The following MED16 variants were observed in gnomAD, a reference collection of about 807,000 sequenced individuals.
MED16 encodes the protein mediator of RNA polymerase II transcription subunit 16.
In MED16, 81 loss-of-function variants were observed where a neutral mutation model predicts 84.4. The ratio of observed to expected loss-of-function variants is 0.96; its 90% CI spans 0.80 to 1.15. MED16 has a LOEUF of 1.15. Among genes scored for constraint, MED16 ranks in the 50% most tolerant of loss-of-function variants. The pLI, the probability that MED16 is intolerant of heterozygous loss-of-function variation, is 0.00. For synonymous variants in MED16, 897 were observed against 552.2 expected, an observed-to-expected ratio of 1.62 and a Z score of -8.76; for missense variants, 1,585 against 1,245.9, an observed-to-expected ratio of 1.27 and a Z score of -4.10.
chr19:873,520 G>A lies in MED16; in HGVS notation c.1834C>T (p.Gln612Ter), dbSNP rs1446834742. The part of the protein sequence containing the change: ...EEFVLDMNTL[Q>*]ALQQLLQWVG... ...CACTGCAAGAGCTGCTGCAGCGCCT[G>A]CAGTGTGTTCATGTCCAGCACAAAT... Residue 612 changes from glutamine (Q) to a stop codon, truncating the protein, a stop_gained, in exon 11 of 16, where the codon CAG becomes TAG. Coordinates refer to ENST00000325464, the MANE Select transcript of MED16 (RefSeq NM_005481.3). LOFTEE classifies it high-confidence loss of function. 2 of 1,612,264 alleles carry A rather than the reference G, an allele frequency of 1.2e-6. No homozygotes were observed. The highest frequency in any genetic ancestry group is 1.7e-6 in the Non-Finnish European group (2 of 1,179,710).
chr19:873,714 AC>A lies in MED16; in HGVS notation c.1772-133del, dbSNP rs899037886. 7 of 1,078,488 alleles carry A rather than the reference AC, an allele frequency of 6.5e-6. No homozygotes were observed. The African/African-American group carries it at 9.4e-5, about 14-fold the overall frequency. 66.8% of individuals were successfully genotyped at this position (1,078,488 alleles called of 1,614,324 possible). A position where few individuals can be genotyped will look rare whatever the true frequency, so the allele number is the denominator to read the frequency against. ...GGACACAAGGGGACCCACACCGGGA[AC>A]GAGAAGGGGGCGATGGCGTTGCCGG... On this transcript the variant is annotated intron_variant, in intron 10 of 15. Coordinates refer to ENST00000325464, the MANE Select transcript of MED16 (RefSeq NM_005481.3).
At chr19:872,171 G>A (rs929826161) in intron 11 of MED16, 53 bp from the exon 12 acceptor site, 10 of 1,502,830 alleles carry the variant, frequency 6.7e-6, no homozygotes, top group Non-Finnish European at 5.4e-6. Context: ...AGATGGCGAT[G>A]GGATGAAGTG....
rs375571894 is a variant in MED16, at chr19:885,824, G to A, written c.825C>T (p.Asp275=). The A allele has an allele frequency of 1.2e-5, 20 of 1,613,466 alleles. No homozygotes were observed. The highest frequency in any genetic ancestry group is 3.3e-4 in the Middle Eastern group (2 of 6,062). The change falls in exon 5 of 16, where the codon GAC becomes GAT. Residue 275 remains aspartate, a synonymous_variant. Transcript: ENST00000325464. ...MRCTTDLNRK[D]KFPAITHLKF... is the part of the protein sequence containing the mutation. ...TGAGGTGGGTGATGGCGGGAAACTT[G>A]TCCTTGCGGTTGAGGTCGGTGGTGC...
Position 868,124 on chromosome 19 carries a change from G to A in MED16, c.2611C>T (p.Leu871=). 1.2e-6 allele frequency: 2 copies of A among 1,610,836 alleles called. No individual in the cohort carries two copies. Among genetic ancestry groups the A allele is most frequent in the East Asian group, 2.2e-5 (1 of 44,854 alleles). The part of the protein sequence containing the change: ...SPRTPRSLDH[L]HPEDRP ...CGTCACGGACGGTCCTCTGGATGCA[G>A]ATGGTCCAGGGATCTGGGGGTCCTG... is the stretch of plus-strand genomic sequence containing the variant. Residue 871 remains leucine, a synonymous_variant, in exon 16 of 16, where the codon CTG becomes TTG. Transcript: ENST00000325464.
intron 6 of MED16, among the ~76,000 whole-genome samples, chr19:884,100 C>A (rs1472505598): frequency 6.6e-6 from 1 of 152,166 alleles, no homozygotes; most frequent in Non-Finnish European, 1.5e-5. Flanking sequence ...GCCCCACCTG[C>A]CCCACGTGCC....
intron 11 of MED16, chr19:872,898 G>A (rs1042241278): frequency 4.0e-6 from 4 of 1,002,800 alleles, no homozygotes; most frequent in Non-Finnish European, 4.8e-6. Flanking sequence ...GTGTGGCCAA[G>A]GAAAGGCTTC....
chr19:868,532 C>A, intron 14 of MED16, 33 bp from the exon 15 acceptor site: 1 of 1,603,766 alleles, frequency 6.2e-7, no homozygotes, highest in Non-Finnish European at 8.5e-7. Context: ...CGGGTTCCCA[C>A]TTCCAGGCGG....
intron 15 of MED16, 26 bp downstream of exon 15, chr19:868,390 G>C (rs765867602): frequency 3.7e-6 from 6 of 1,606,184 alleles, no homozygotes; most frequent in Admixed American, 1.7e-5. Context: ...TAGCTGAGGG[G>C]CACCCGCCAC....
chr19:868,388 G>A (rs772679185), intron 15 of MED16, 28 bp downstream of exon 15: 3 of 1,606,200 alleles, frequency 1.9e-6, no homozygotes, highest in Non-Finnish European at 2.5e-6. Context: ...GGTAGCTGAG[G>A]GGCACCCGCC....
At chr19:879,049 T>G (rs1599331108) in intron 8 of MED16, among the ~76,000 whole-genome samples, 1 of 114,940 alleles carries the variant, frequency 8.7e-6, no homozygotes, top group South Asian at 3.1e-4. Flanking sequence ...CTTCCCCCGG[T>G]TGTCAATGCC....
At chr19:881,533 C>T (rs372892063) in intron 7 of MED16, 26 bp downstream of exon 7, 23 of 1,596,094 alleles carry the variant, frequency 1.4e-5, no homozygotes, top group East Asian at 9.0e-5. Context: ...TGAGGCCCCG[C>T]GTGGCTGCCG....
At chr19:890,041 C>A in intron 3 of MED16, 96 bp downstream of exon 3, 2 of 980,302 alleles carry the variant, frequency 2.0e-6, no homozygotes, top group South Asian at 3.1e-5. Context: ...GGGCTCTAGA[C>A]CCAGCGCCGG....
intron 7 of MED16, among the ~76,000 whole-genome samples, chr19:880,726 C>T (rs1014774077): frequency 6.6e-6 from 1 of 152,096 alleles, no homozygotes; most frequent in Non-Finnish European, 1.5e-5. Context: ...TCGAGACCAG[C>T]CTGGGCAACA....
At chr19:879,066 C>G (rs1442878748) in intron 8 of MED16, among the ~76,000 whole-genome samples, 8 of 1,892 alleles carry the variant, frequency 4.2e-3, no homozygotes, top group East Asian at 0.016. Context: ...TGCCCACCAG[C>G]CCCAGCCCCA....
At chr19:869,835 G>C (rs1311242119) in intron 13 of MED16, among the ~76,000 whole-genome samples, 1 of 152,232 alleles carries the variant, frequency 6.6e-6, no homozygotes, top group Non-Finnish European at 1.5e-5. Flanking sequence ...ACGTGTGTCT[G>C]AAACAGGCTG....
intron 4 of MED16, 22 bp from the exon 5 acceptor site, chr19:886,223 A>C (rs750329096): frequency 6.7e-7 from 1 of 1,488,274 alleles, no homozygotes; most frequent in Non-Finnish European, 8.9e-7. Context: ...GGAGGGAGGG[A>C]GGAGGGGCCG....
At chr19:890,570 C>T (rs887641509) in intron 2 of MED16, 1 of 372,046 alleles carries the variant, frequency 2.7e-6, no homozygotes, top group Non-Finnish European at 4.9e-6. Flanking sequence ...TTCTAGTTTT[C>T]TCTAATGACC....
chr19:878,259 C>T (rs1208017010), intron 8 of MED16, among the ~76,000 whole-genome samples: 13 of 64,788 alleles, frequency 2.0e-4, no homozygotes, highest in South Asian at 5.7e-4. Flanking sequence ...CCCAGCCCCA[C>T]GGGCCCCAGC....
intron 11 of MED16, among the ~76,000 whole-genome samples, chr19:872,444 G>A (rs925066248): frequency 1.3e-5 from 2 of 152,054 alleles, no homozygotes; most frequent in African/African-American, 4.8e-5. Flanking sequence ...GCGGGCCCGG[G>A]CCCCTGGTGA....
Sources: allele counts gnomAD v4.1 joint callset (sites outside exome capture counted in the v4.1 genomes callset), GRCh38; gene constraint gnomAD v4.1.1; transcripts MANE v1.5; gene names NCBI Gene and HGNC (gene_info 2026-07-23, HGNC 2026-07-21).